RBMS1: variants seen among roughly 807,000 people sequenced by gnomAD.
The protein encoded by RBMS1 is RNA-binding motif, single-stranded-interacting protein 1.
In RBMS1, 17 loss-of-function variants were observed where a neutral mutation model predicts 62.3. That is an observed-to-expected ratio of 0.27 (90% CI 0.19 to 0.41). RBMS1 has a LOEUF of 0.41. Ranked by LOEUF, RBMS1 falls within the 10% of genes least tolerant of loss-of-function variation. The pLI is 1.00. For synonymous variants in RBMS1, 172 were observed against 170.0 expected (o/e 1.01, Z -0.09); for missense variants, 334 against 504.5 (o/e 0.66, Z 3.24).
intron 1 of RBMS1, among the ~76,000 whole-genome samples, chr2:160,488,305 G>A (rs1685680562): frequency 6.6e-6 from 1 of 152,182 alleles, no homozygotes; most frequent in African/African-American, 2.4e-5. Context: ...GCTGGGCGCA[G>A]TGGCTCATGC....
intron 1 of RBMS1, among the ~76,000 whole-genome samples, chr2:160,491,545 A>C (rs1266544803): frequency 1.3e-5 from 2 of 152,228 alleles, no homozygotes; most frequent in Non-Finnish European, 2.9e-5. Context: ...AGCTACATTA[A>C]ATGGTATGGA....
chr2:160,371,109 T>C (rs73002635), intron 1 of RBMS1, among the ~76,000 whole-genome samples: 1,925 of 152,320 alleles, frequency 0.013, 46 homozygotes, highest in African/African-American at 0.043. Context: ...CCCTCATTCA[T>C]AGATTAAAAT....
intron 4 of RBMS1, among the ~76,000 whole-genome samples, chr2:160,310,512 T>A (rs762183387): frequency 5.3e-5 from 8 of 152,132 alleles, no homozygotes; most frequent in Non-Finnish European, 1.0e-4. Flanking sequence ...CTATGAAAAA[T>A]TGAGGCATTC....
chr2:160,422,419 A>C (rs1696469870), intron 1 of RBMS1, among the ~76,000 whole-genome samples: 1 of 152,206 alleles, frequency 6.6e-6, no homozygotes, highest in Admixed American at 6.5e-5. Flanking sequence ...ACTCTTGTTC[A>C]CAAAAATTAT....
chr2:160,348,120 T>A (rs1208492138), intron 2 of RBMS1, among the ~76,000 whole-genome samples: 1 of 152,102 alleles, frequency 6.6e-6, no homozygotes, highest in Non-Finnish European at 1.5e-5. Flanking sequence ...GTATTGCACC[T>A]AAAACATAGT....
intron 1 of RBMS1, among the ~76,000 whole-genome samples, chr2:160,456,139 C>A (rs907865660): frequency 6.6e-6 from 1 of 152,112 alleles, no homozygotes; most frequent in African/African-American, 2.4e-5. Flanking sequence ...CAGGAAAAAA[C>A]AAACAAACTT....
At chr2:160,361,492 T>C (rs1027728135) in intron 2 of RBMS1, among the ~76,000 whole-genome samples, 10 of 152,242 alleles carry the variant, frequency 6.6e-5, no homozygotes, top group Non-Finnish European at 1.0e-4. Flanking sequence ...CTCAGAGACA[T>C]TGCAGGTTTG....
At chr2:160,324,776 T>C (rs1285233148) in intron 2 of RBMS1, among the ~76,000 whole-genome samples, 4 of 151,198 alleles carry the variant, frequency 2.6e-5, no homozygotes, top group Non-Finnish European at 5.9e-5. Context: ...AGAAAACTTA[T>C]GACCTCGTGA....
At chr2:160,449,524 A>AC (rs1683867296) in intron 1 of RBMS1, among the ~76,000 whole-genome samples, 1 of 152,060 alleles carries the variant, frequency 6.6e-6, no homozygotes, top group South Asian at 2.1e-4. Flanking sequence ...CTATAACCTT[A>AC]CCCCCAACCC....
At chr2:160,330,558 A>T (rs1372626547) in intron 2 of RBMS1, among the ~76,000 whole-genome samples, 1 of 152,192 alleles carries the variant, frequency 6.6e-6, no homozygotes, top group Non-Finnish European at 1.5e-5. Flanking sequence ...ATAAGTTCCA[A>T]AGGGGCAAAA....
At chr2:160,277,417 G>A (rs1687895201) in intron 11 of RBMS1, 34 bp from the exon 12 acceptor site, 1 of 1,535,920 alleles carries the variant, frequency 6.5e-7, no homozygotes, top group Non-Finnish European at 9.0e-7. Context: ...ATGGGCAATG[G>A]TAAACCATGC....
intron 1 of RBMS1, chr2:160,407,470 G>C (rs1437821185): frequency 1.0e-6 from 1 of 986,128 alleles, no homozygotes; most frequent in Non-Finnish European, 1.2e-6. Flanking sequence ...TCACCTGCTT[G>C]CGATAGGGCG....
chr2:160,455,375 T>C (rs1684176041), intron 1 of RBMS1, among the ~76,000 whole-genome samples: 1 of 152,236 alleles, frequency 6.6e-6, no homozygotes, highest in Non-Finnish European at 1.5e-5. Context: ...AGTATCATTT[T>C]TTAGAATGTG....
intron 4 of RBMS1, among the ~76,000 whole-genome samples, chr2:160,312,355 C>T (rs1406613996): frequency 6.6e-6 from 1 of 151,896 alleles, no homozygotes; most frequent in Non-Finnish European, 1.5e-5. Flanking sequence ...TAGAGGGAAA[C>T]TACCATAATA....
chr2:160,339,294 T>C (rs539297181), intron 2 of RBMS1, among the ~76,000 whole-genome samples: 11 of 152,326 alleles, frequency 7.2e-5, no homozygotes, highest in African/African-American at 2.4e-4. Context: ...AACATGACCA[T>C]CTCAGCACAA....
rs371887237 is a variant in RBMS1 at position 160,286,937 on chromosome 2, C to T, written c.756+32G>A. On this transcript the variant is annotated intron_variant, in intron 7 of 13. Transcript: ENST00000348849. ...GGGCATTCAAGATCACACCCCCTCCCCCACCCCGCAAAGTTTCAAGAAAGG... is the reference window on the plus strand; with the variant it reads ...GGGCATTCAAGATCACACCCCCTCCTCCACCCCGCAAAGTTTCAAGAAAGG... 8.2e-5 allele frequency: 132 copies of T among 1,608,672 alleles called. No individual in the cohort carries two copies. In the African/African-American group the frequency reaches 1.6e-3, roughly 19 times the overall value.
chr2:160,447,294 A>G (rs1421323290), intron 1 of RBMS1, among the ~76,000 whole-genome samples: 1 of 152,206 alleles, frequency 6.6e-6, no homozygotes, highest in Non-Finnish European at 1.5e-5. Context: ...GCCCAGGCCA[A>G]GATGTAGTAT....
intron 1 of RBMS1, chr2:160,408,454 C>T (rs1417055719): frequency 6.6e-6 from 1 of 152,200 alleles, no homozygotes; most frequent in East Asian, 1.9e-4. Context: ...ACTCCCCAGC[C>T]CCTCACCCAA....
intron 1 of RBMS1, among the ~76,000 whole-genome samples, chr2:160,406,649 A>G (rs775738331): frequency 2.0e-5 from 3 of 152,218 alleles, no homozygotes; most frequent in African/African-American, 7.2e-5. Context: ...ACGTTTTGTT[A>G]TTGCTGCTGC....
Sources: gnomAD v4.1 joint callset for allele counts (sites outside exome capture counted in the v4.1 genomes callset) on GRCh38, gnomAD v4.1.1 for gene constraint, MANE v1.5 for transcripts, NCBI Gene and HGNC (gene_info 2026-07-23, HGNC 2026-07-21) for gene names.